INVS: variants seen among roughly 807,000 people sequenced by gnomAD.
The protein encoded by INVS is inversin.
In INVS, 86 loss-of-function variants were observed where a neutral mutation model predicts 108.8. The ratio of observed to expected loss-of-function variants is 0.79; its 90% CI spans 0.66 to 0.95. The LOEUF is 0.95. Ranked by LOEUF, INVS falls within the 40% of genes least tolerant of loss-of-function variation. INVS has a pLI of 0.00. For missense variants in INVS, 1,169 were observed against 1,297.4 expected (o/e 0.90, Z 1.52); for synonymous variants, 455 against 473.5 (o/e 0.96, Z 0.51).
intron 2 of INVS, among the ~76,000 whole-genome samples, chr9:100,110,583 A>G (rs1039073279): frequency 1.2e-3 from 188 of 152,326 alleles, no homozygotes; most frequent in African/African-American, 4.3e-3. Flanking sequence ...TTTTTGTGCT[A>G]TGGGCCCTTC....
chr9:100,270,054 G>A (rs1832905056), intron 11 of INVS, among the ~76,000 whole-genome samples: 1 of 152,024 alleles, frequency 6.6e-6, no homozygotes, highest in Non-Finnish European at 1.5e-5. Flanking sequence ...AAAGTAAGTT[G>A]TTTAAAAAGT....
chr9:100,225,120 C>T (rs1161188450), intron 3 of INVS, among the ~76,000 whole-genome samples: 2 of 150,902 alleles, frequency 1.3e-5, no homozygotes, highest in African/African-American at 2.4e-5. Flanking sequence ...TGCAGTGGCA[C>T]GATCTCGGCT....
At chr9:100,275,908 T>G (rs1315827567) in intron 12 of INVS, among the ~76,000 whole-genome samples, 5 of 152,232 alleles carry the variant, frequency 3.3e-5, no homozygotes, top group Non-Finnish European at 7.3e-5. Flanking sequence ...TACTATAATT[T>G]ACCTGCCAAA....
chr9:100,145,152 A>G (rs1828559683), intron 3 of INVS, among the ~76,000 whole-genome samples: 1 of 151,910 alleles, frequency 6.6e-6, no homozygotes, highest in African/African-American at 2.4e-5. Context: ...GCTAAGGGAG[A>G]AGAAGGAGGA....
intron 10 of INVS, among the ~76,000 whole-genome samples, chr9:100,262,778 C>T (rs1321578449): frequency 6.6e-6 from 1 of 151,944 alleles, no homozygotes; most frequent in Non-Finnish European, 1.5e-5. Flanking sequence ...CAGTATCTCA[C>T]TCTGCCACCC....
intron 3 of INVS, among the ~76,000 whole-genome samples, chr9:100,170,897 G>A (rs1340113531): frequency 6.6e-6 from 1 of 152,208 alleles, no homozygotes; most frequent in Non-Finnish European, 1.5e-5. Context: ...AATGGGTAAT[G>A]AAAATGTAGT....
At chr9:100,147,230 C>T (rs1029827872) in intron 3 of INVS, among the ~76,000 whole-genome samples, 4 of 152,166 alleles carry the variant, frequency 2.6e-5, no homozygotes, top group African/African-American at 9.7e-5. Context: ...TCTACATACT[C>T]AGTCTTCTGT....
In INVS at chr9:100,221,891, C is replaced by CCT. The variant is rs1249986813; in HGVS notation, c.274-4170_274-4169dup. ...TAGTTATTGTTAATCTTTTACTGTGCCTAATTTATAAATTAAACTTTACCA... is the reference window on the plus strand; with the variant it reads ...TAGTTATTGTTAATCTTTTACTGTGCCTCTAATTTATAAATTAAACTTTACCA... On this transcript the variant is annotated intron_variant, in intron 3 of 16. Transcript: ENST00000262457. Among the ~76,000 whole-genome samples, 11 of 151,936 alleles carry CCT rather than the reference C, an allele frequency of 7.2e-5. No individual in the cohort carries two copies. The East Asian group carries it at 1.5e-3, about 21-fold the overall frequency.
At chr9:100,145,273 G>A (rs1271097324) in intron 3 of INVS, among the ~76,000 whole-genome samples, 1 of 151,880 alleles carries the variant, frequency 6.6e-6, no homozygotes, top group African/African-American at 2.4e-5. Context: ...CAGGAAAGGG[G>A]TCGGGGCATG....
At chr9:100,118,988 A>G (rs931879180) in intron 2 of INVS, among the ~76,000 whole-genome samples, 2 of 152,206 alleles carry the variant, frequency 1.3e-5, no homozygotes, top group African/African-American at 2.4e-5. Flanking sequence ...TTAAAAGATT[A>G]TCTATTGGTT....
At chr9:100,243,220 G>A (rs971364513) in intron 7 of INVS, among the ~76,000 whole-genome samples, 2 of 152,154 alleles carry the variant, frequency 1.3e-5, no homozygotes, top group Non-Finnish European at 2.9e-5. Context: ...CAAGGCTTTG[G>A]AACTAGAACA....
In INVS at chr9:100,297,164, T is replaced by G. The variant is rs1787155473; in HGVS notation, c.3016+18T>G. 5 of 1,596,248 alleles carry G rather than the reference T, an allele frequency of 3.1e-6. No individual in the cohort carries two copies. The South Asian group carries it at 5.5e-5, about 18-fold the overall frequency. Reference sequence around the variant, plus strand: ...AATCTATGGTAACTGTCCTTCTGCCTACTTTGTAGTTCACAAGTACCCCCA... The same window carrying G: ...AATCTATGGTAACTGTCCTTCTGCCGACTTTGTAGTTCACAAGTACCCCCA... On this transcript the variant is annotated intron_variant, in intron 15 of 16. Coordinates refer to ENST00000262457, the MANE Select transcript of INVS (RefSeq NM_014425.5).
intron 1 of INVS, among the ~76,000 whole-genome samples, chr9:100,101,019 T>TA (rs1826967096): frequency 3.0e-5 from 3 of 99,026 alleles, no homozygotes; most frequent in South Asian, 5.0e-4. Context: ...ATTATATGTA[T>TA]ATATATTATA....
chr9:100,187,077 C>T (rs1398029729), intron 3 of INVS, among the ~76,000 whole-genome samples: 3 of 152,078 alleles, frequency 2.0e-5, no homozygotes, highest in East Asian at 1.9e-4. Flanking sequence ...TCTACATGTG[C>T]GTATCCAGTT....
rs1267451915 is a variant in INVS, at chr9:100,298,455, GAGA to G, written c.3091+448_3091+450del. On this transcript the variant is annotated intron_variant, in intron 16 of 16. Transcript: ENST00000262457. ...GCTGTGCGTGCTTTCCCTCATACAG[GAGA>G]AGCTCAGGGAACTTTCTTTTCAGCC... 6 of 428,788 alleles carry G rather than the reference GAGA, an allele frequency of 1.4e-5. No homozygotes were observed. In the South Asian group the frequency reaches 3.9e-4, roughly 28 times the overall value. The allele number at this position is 428,788 out of a possible 1,614,324, so 26.6% of individuals were successfully genotyped here. A position where few individuals can be genotyped will look rare whatever the true frequency, so the allele number is the denominator to read the frequency against.
chr9:100,226,573 G>T (rs1452215902), intron 4 of INVS, among the ~76,000 whole-genome samples: 1 of 152,126 alleles, frequency 6.6e-6, no homozygotes, highest in Non-Finnish European at 1.5e-5. Context: ...AGCACTTTGG[G>T]AGGCCGAGGC....
chr9:100,195,932 T>C (rs1386433109), intron 3 of INVS, among the ~76,000 whole-genome samples: 12 of 152,068 alleles, frequency 7.9e-5, no homozygotes, highest in Admixed American at 7.9e-4. Flanking sequence ...AGTTTAGTTG[T>C]TTTTTTTCTT....
chr9:100,278,186 C>T (rs1833164635), intron 12 of INVS, among the ~76,000 whole-genome samples: 1 of 136,924 alleles, frequency 7.3e-6, no homozygotes, highest in Admixed American at 8.0e-5. Flanking sequence ...AGCTACATCA[C>T]ACTATTGCAC....
intron 3 of INVS, chr9:100,214,983 G>C (rs1830941562): frequency 1.3e-5 from 2 of 152,216 alleles, no homozygotes; most frequent in Admixed American, 1.3e-4. Flanking sequence ...CATTCCAGTA[G>C]ATATAACTTC....
Sources: allele counts gnomAD v4.1 joint callset (sites outside exome capture counted in the v4.1 genomes callset), GRCh38; gene constraint gnomAD v4.1.1; transcripts MANE v1.5; gene names NCBI Gene and HGNC (gene_info 2026-07-23, HGNC 2026-07-21).